The following TWF1 variants were observed in gnomAD, a reference collection of about 807,000 sequenced individuals.
TWF1 encodes the protein twinfilin-1.
In TWF1, 14 loss-of-function variants were observed where a neutral mutation model predicts 47.9. The observed-to-expected ratio is 0.29, with a 90% CI of 0.19 to 0.46. The LOEUF (loss-of-function observed/expected upper bound fraction) is 0.46. Among genes scored for constraint, TWF1 ranks in the 20% least tolerant of loss-of-function variants. The pLI is 1.00. For synonymous variants in TWF1, 96 were observed against 139.2 expected (o/e 0.69, Z 2.18); for missense variants, 281 against 409.3 (o/e 0.69, Z 2.70).
chr12:43,799,008 G>A (rs1432423566), intron 5 of TWF1, among the ~76,000 whole-genome samples: 1 of 151,958 alleles, frequency 6.6e-6, no homozygotes, highest in African/African-American at 2.4e-5. Context: ...TTAATTTGTA[G>A]ACTCTCTAGA....
rs1386305950 is a variant in TWF1 at position 43,794,552 on chromosome 12, T to C, written c.*1033A>G. ...CAGGTTTAACAGATTAAACATTAAG[T>C]GTTCTAGCTCCCTCTATTTCAAGTA... On this transcript the variant is annotated 3_prime_UTR_variant, in exon 9 of 9. Transcript: ENST00000395510. 1 of 150,302 alleles carries C rather than the reference T, an allele frequency of 6.7e-6. No individual in the cohort carries two copies. Among genetic ancestry groups the C allele is most frequent in the Non-Finnish European group, 1.5e-5 (1 of 67,614 alleles). The allele number at this position is 150,302 out of a possible 1,614,324, so 9.3% of individuals were successfully genotyped here.
At chr12:43,801,535 C>T (rs1942661394) in intron 3 of TWF1, among the ~76,000 whole-genome samples, 1 of 152,070 alleles carries the variant, frequency 6.6e-6, no homozygotes, top group African/African-American at 2.4e-5. Flanking sequence ...TTGTTCTATA[C>T]AGTCAATCTA....
intron 6 of TWF1, 103 bp downstream of exon 6, chr12:43,797,605 T>C: frequency 2.7e-6 from 4 of 1,460,656 alleles, no homozygotes; most frequent in Non-Finnish European, 3.7e-6. Flanking sequence ...ATTTTAGAAA[T>C]CAGAAAGCTA....
At position 43,806,280 on chromosome 12, in the gene TWF1, G is replaced by C. The variant is rs1303839095; in HGVS notation, c.-35C>G. On this transcript the variant is annotated 5_prime_UTR_variant, in exon 1 of 9. Transcript: ENST00000395510. Reference sequence around the variant, plus strand: ...CGCTAGCTCCCGGCTCCGGCGCTGAGTGCAGCCAGCGGCCCCGGCCGGCGG... The same window carrying C: ...CGCTAGCTCCCGGCTCCGGCGCTGACTGCAGCCAGCGGCCCCGGCCGGCGG... The C allele has an allele frequency of 1.0e-5, 15 of 1,488,788 alleles. No homozygotes were observed. Among genetic ancestry groups the C allele is most frequent in the African/African-American group, 1.5e-5 (1 of 68,236 alleles). 92.2% of individuals were successfully genotyped at this position (1,488,788 alleles called of 1,614,324 possible). A position where few individuals can be genotyped will look rare whatever the true frequency, so the allele number is the denominator to read the frequency against.
chr12:43,799,455 A>C lies in TWF1; in HGVS notation c.426T>G (p.Ser142=), dbSNP rs764797360. The C allele has an allele frequency of 2.5e-6, 4 of 1,610,262 alleles. No individual in the cohort carries two copies. The African/African-American group carries it at 4.0e-5, about 16-fold the overall frequency. The stretch of plus-strand genomic sequence containing the variant: ...CAGCTGCAGTCAGTGGGGCAGGGGA[A>C]GATTGTGACAGCAAGTATTTTTTAT... The part of the protein sequence containing the change: ...HGYKKYLLSQ[S]SPAPLTAAEE... Residue 142 remains serine (S), a synonymous_variant, in exon 5 of 9, where the codon TCT becomes TCG. Transcript: ENST00000395510.
intron 1 of TWF1, chr12:43,805,438 G>A (rs1942741572): frequency 2.4e-6 from 1 of 413,272 alleles, no homozygotes; most frequent in South Asian, 1.7e-5. Flanking sequence ...GCTATTAACA[G>A]TAAGAGCTTG....
intron 1 of TWF1, among the ~76,000 whole-genome samples, 183 bp from the exon 2 acceptor site, chr12:43,804,755 T>C (rs560130998): frequency 1.1e-4 from 17 of 152,356 alleles, no homozygotes; most frequent in African/African-American, 4.1e-4. Context: ...GAAATATAAA[T>C]ATTAGCATTT....
At chr12:43,806,019 G>A (rs747987540) in intron 1 of TWF1, 1 of 1,522,616 alleles carries the variant, frequency 6.6e-7, no homozygotes, top group Non-Finnish European at 8.8e-7. Context: ...CGTGACGGCA[G>A]CAGGGACCGG....
chr12:43,798,547 A>T (rs909712294), intron 5 of TWF1: 20 of 1,521,430 alleles, frequency 1.3e-5, no homozygotes, highest in Non-Finnish European at 1.8e-5. Context: ...ACATCATAGA[A>T]CATATGCGAA....
intron 3 of TWF1, among the ~76,000 whole-genome samples, 196 bp downstream of exon 3, chr12:43,802,090 A>G (rs2138145876): frequency 6.6e-6 from 1 of 152,302 alleles, no homozygotes; most frequent in African/African-American, 2.4e-5. Flanking sequence ...AGTAATAATT[A>G]TTTTGATTTC....
chr12:43,803,405 T>C (rs1328522324), intron 2 of TWF1, among the ~76,000 whole-genome samples: 1 of 152,140 alleles, frequency 6.6e-6, no homozygotes, highest in African/African-American at 2.4e-5. Context: ...CACTGAATTT[T>C]CTAAAATGCT....
Position 43,797,793 on chromosome 12 carries a change from A to T in TWF1, c.524T>A (p.Leu175Gln). 1 of 1,613,524 alleles carries T rather than the reference A, an allele frequency of 6.2e-7. No homozygotes were observed. The highest frequency in any genetic ancestry group is 1.1e-5 in the South Asian group (1 of 91,068). Residue 175 changes from leucine to glutamine, a missense_variant, in exon 6 of 9, where the codon CTA becomes CAA. Physicochemically the swap from Leu to Gln is moderately radical, Grantham distance 113. Transcript: ENST00000395510. ...AGAAATGGGAAATGCTACTCCTTGT[A>T]GTGTTTGATGCTTAGTGTCCACACC... ...DVGVDTKHQT[L>Q]QGVAFPISRE...
At chr12:43,798,711 A>G (rs946892406) in intron 5 of TWF1, 19 of 1,068,756 alleles carry the variant, frequency 1.8e-5, no homozygotes, top group Admixed American at 2.9e-5. Context: ...TTAATATTAA[A>G]TGATATTCAA....
At position 43,799,425 on chromosome 12, in the gene TWF1, T is replaced by A; in HGVS notation, c.456A>T (p.Glu152Asp). The change falls in exon 5 of 9, where the codon GAA becomes GAT. Residue 152 changes from glutamate (E) to aspartate (D), a missense_variant. Physicochemically the swap from Glu to Asp is conservative, Grantham distance 45 (BLOSUM62 2). Transcript: ENST00000395510. ...SSPAPLTAAE[E>D]ELRQIKINEV... ...CATTGATTTTAATCTGTCGTAGTTCTTCCTCAGCTGCAGTCAGTGGGGCAG... is the reference window on the plus strand; with the variant it reads ...CATTGATTTTAATCTGTCGTAGTTCATCCTCAGCTGCAGTCAGTGGGGCAG... The A allele has an allele frequency of 6.2e-7, 1 of 1,609,666 alleles. No individual in the cohort carries two copies. The highest frequency in any genetic ancestry group is 8.5e-7 in the Non-Finnish European group (1 of 1,178,018).
In TWF1 at chr12:43,802,469, GA is replaced by G; in HGVS notation, c.104-6del. The G allele has an allele frequency of 6.3e-7, 1 of 1,598,048 alleles. No homozygotes were observed. The highest frequency in any genetic ancestry group is 8.5e-7 in the Non-Finnish European group (1 of 1,173,748). The stretch of plus-strand genomic sequence containing the variant: ...ATGATCCAATCACAAGTTGCTCTAT[GA>G]AAAATTATTTTTAGAAAGATAGGTA... On this transcript the variant is annotated splice_polypyrimidine_tract_variant and splice_region_variant and intron_variant, in intron 2 of 8. Transcript: ENST00000395510.
chr12:43,798,640 C>T lies in TWF1; in HGVS notation c.483+758G>A, dbSNP rs1426974963. 5.3e-6 allele frequency: 7 copies of T among 1,332,964 alleles called. No homozygotes were observed. In the Admixed American group the frequency reaches 1.0e-4, roughly 20 times the overall value. The allele number at this position is 1,332,964 out of a possible 1,614,324, so 82.6% of individuals were successfully genotyped here. A position where few individuals can be genotyped will look rare whatever the true frequency, so the allele number is the denominator to read the frequency against. ...AACTCGTAAAAAAAAAAAAAAATCA[C>T]ATAAAAAGCCCTACTCAAATAATAT... On this transcript the variant is annotated intron_variant, in intron 5 of 8. Transcript: ENST00000395510.
Position 43,797,286 on chromosome 12 carries a change from A to T in TWF1, c.760+16T>A. ...ACAAACTGAAAGTAATGTGTTAAAA[A>T]CAATGTATCATATACCTATGGACTC... On this transcript the variant is annotated intron_variant, in intron 7 of 8. Coordinates refer to ENST00000395510, the MANE Select transcript of TWF1 (RefSeq NM_002822.5). 1 of 1,565,446 alleles carries T rather than the reference A, an allele frequency of 6.4e-7. No homozygotes were observed.
At chr12:43,800,026 C>A (rs1258959495) in intron 4 of TWF1, among the ~76,000 whole-genome samples, 1 of 152,116 alleles carries the variant, frequency 6.6e-6, no homozygotes, top group Non-Finnish European at 1.5e-5. Context: ...AACCAGCCCA[C>A]TTCACAATTA....
At chr12:43,801,796 G>A (rs750580900) in intron 3 of TWF1, among the ~76,000 whole-genome samples, 3 of 152,116 alleles carry the variant, frequency 2.0e-5, no homozygotes, top group Non-Finnish European at 4.4e-5. Context: ...TTGGGAGGCC[G>A]AGGTGGGTGG....
Sources: gnomAD v4.1 joint callset for allele counts (sites outside exome capture counted in the v4.1 genomes callset) on GRCh38, gnomAD v4.1.1 for gene constraint, MANE v1.5 for transcripts, NCBI Gene and HGNC (gene_info 2026-07-23, HGNC 2026-07-21) for gene names.